The following NALCN variants were observed in gnomAD, a reference collection of about 807,000 sequenced individuals.
NALCN encodes the protein sodium leak channel, non-selective.
NALCN carries 111 observed loss-of-function variants against 225.3 expected under a neutral mutation model. That is an observed-to-expected ratio of 0.49 (90% CI 0.42 to 0.58). The LOEUF is 0.58. NALCN is among the 20% of genes least tolerant of loss of function. The pLI is 0.00. For missense variants in NALCN, 1,378 were observed against 2,202.4 expected (o/e 0.63, Z 7.49); for synonymous variants, 764 against 769.0 (o/e 0.99, Z 0.11).
chr13:101,262,029 C>T (rs1016438924), intron 10 of NALCN, among the ~76,000 whole-genome samples: 1 of 152,134 alleles, frequency 6.6e-6, no homozygotes, highest in Non-Finnish European at 1.5e-5. Flanking sequence ...CTTCTATCCC[C>T]AGTTTTGCTG....
chr13:101,207,728 G>C (rs2040366610), intron 13 of NALCN, among the ~76,000 whole-genome samples: 1 of 152,114 alleles, frequency 6.6e-6, no homozygotes, highest in Admixed American at 6.5e-5. Context: ...CTGTAAAATG[G>C]ACCAATCAGC....
chr13:101,110,266 A>G (rs1194680519), intron 20 of NALCN, among the ~76,000 whole-genome samples: 1 of 152,246 alleles, frequency 6.6e-6, no homozygotes, highest in African/African-American at 2.4e-5. Flanking sequence ...TCTAGATTCT[A>G]GAATATTCGA....
At chr13:101,092,073 T>C (rs2034262862) in intron 28 of NALCN, among the ~76,000 whole-genome samples, 1 of 151,818 alleles carries the variant, frequency 6.6e-6, no homozygotes, top group Admixed American at 6.6e-5. Context: ...ATGCCATCTA[T>C]TATTGTCATT....
At chr13:101,297,184 GTGA>G (rs2043787910) in intron 7 of NALCN, among the ~76,000 whole-genome samples, 1 of 152,150 alleles carries the variant, frequency 6.6e-6, no homozygotes, top group African/African-American at 2.4e-5. Flanking sequence ...TCATAAAATT[GTGA>G]TGATAACTAG....
intron 16 of NALCN, among the ~76,000 whole-genome samples, chr13:101,143,840 C>G (rs576137072): frequency 6.6e-6 from 1 of 152,280 alleles, no homozygotes; most frequent in Admixed American, 6.5e-5. Flanking sequence ...GTTGCTCTCT[C>G]TAAATGTCCA....
At chr13:101,113,004 T>C (rs627191) in intron 18 of NALCN, among the ~76,000 whole-genome samples, 138,048 of 152,248 alleles carry the variant, frequency 0.91, 62,832 homozygotes, top group East Asian at 1. Context: ...CTTAAAAATG[T>C]TTTTAATGTG....
At chr13:101,129,063 T>C (rs372969554) in intron 17 of NALCN, among the ~76,000 whole-genome samples, 1 of 152,346 alleles carries the variant, frequency 6.6e-6, no homozygotes, top group East Asian at 1.9e-4. Flanking sequence ...TTTTGTGATG[T>C]TACGGGTCTT....
intron 42 of NALCN, 22 bp from the exon 43 acceptor site, chr13:101,058,078 C>T (rs1222780497): frequency 2.5e-6 from 4 of 1,597,300 alleles, no homozygotes; most frequent in Non-Finnish European, 1.7e-6. Flanking sequence ...GAGAAGCACA[C>T]AGTTACCGTC....
chr13:101,211,624 T>TG (rs1370373171), intron 13 of NALCN, among the ~76,000 whole-genome samples: 4 of 144,944 alleles, frequency 2.8e-5, no homozygotes, highest in African/African-American at 1.1e-4. Flanking sequence ...ACAGTTTTTT[T>TG]TGGGGGGGGA....
chr13:101,378,638 C>T lies in NALCN; in HGVS notation c.307G>A (p.Val103Met). Residue 103 changes from valine to methionine, a missense_variant, in exon 4 of 44, where the codon GTG becomes ATG. By Grantham distance (21) the Val-to-Met change is conservative (BLOSUM62 1). Coordinates refer to ENST00000251127, the MANE Select transcript of NALCN (RefSeq NM_052867.4). ...RGIVKGDSSY[V>M]KDRWCVFDGF... ...TCAAAAACACACCAGCGATCTTTCA[C>T]ATAGGAACTATCCCCCTAAAAATAA... is the stretch of plus-strand genomic sequence containing the variant. 6.2e-7 allele frequency: 1 copy of T among 1,609,858 alleles called. No individual in the cohort carries two copies. The highest frequency in any genetic ancestry group is 8.5e-7 in the Non-Finnish European group (1 of 1,177,602).
intron 41 of NALCN, among the ~76,000 whole-genome samples, 166 bp from the exon 42 acceptor site, chr13:101,060,133 G>A (rs1490352628): frequency 6.6e-6 from 1 of 151,932 alleles, no homozygotes; most frequent in Non-Finnish European, 1.5e-5. Flanking sequence ...GTTCAATTAA[G>A]GTAGGCTGAT....
At chr13:101,231,588 C>G (rs1435261683) in intron 12 of NALCN, among the ~76,000 whole-genome samples, 2 of 152,070 alleles carry the variant, frequency 1.3e-5, no homozygotes, top group Non-Finnish European at 2.9e-5. Flanking sequence ...TAACAGCTCC[C>G]AAATTCAGAG....
At chr13:101,249,018 A>T (rs758487135) in intron 11 of NALCN, among the ~76,000 whole-genome samples, 1 of 152,078 alleles carries the variant, frequency 6.6e-6, no homozygotes, top group Non-Finnish European at 1.5e-5. Context: ...AGTAAGGGTA[A>T]TCTTGTAGAG....
intron 17 of NALCN, among the ~76,000 whole-genome samples, chr13:101,126,787 G>A (rs535556150): frequency 1.5e-4 from 23 of 152,166 alleles, no homozygotes; most frequent in Middle Eastern, 3.4e-3. Flanking sequence ...CACCACACCC[G>A]GCCAAAAGTT....
At chr13:101,206,573 G>C (rs183056710) in intron 13 of NALCN, among the ~76,000 whole-genome samples, 1 of 140,166 alleles carries the variant, frequency 7.1e-6, no homozygotes, top group African/African-American at 2.5e-5. Context: ...TTAAAAAATA[G>C]TTTTTTTCTC....
intron 35 of NALCN, 24 bp from the exon 36 acceptor site, chr13:101,074,686 G>T: frequency 1.3e-6 from 2 of 1,588,592 alleles, no homozygotes; most frequent in South Asian, 1.2e-5. Context: ...GTGGGAAGCG[G>T]GGAGACAGAG....
At chr13:101,354,446 T>C (rs995744709) in intron 6 of NALCN, among the ~76,000 whole-genome samples, 7 of 152,156 alleles carry the variant, frequency 4.6e-5, no homozygotes, top group African/African-American at 1.7e-4. Flanking sequence ...CAGTCCACTG[T>C]CTTTGACTTT....
At chr13:101,147,401 C>T (rs2037405581) in intron 15 of NALCN, among the ~76,000 whole-genome samples, 1 of 141,176 alleles carries the variant, frequency 7.1e-6, no homozygotes, top group Non-Finnish European at 1.5e-5. Context: ...GTCTCCCAGG[C>T]TGGAGTGCAG....
intron 15 of NALCN, among the ~76,000 whole-genome samples, chr13:101,157,515 A>T (rs1411430626): frequency 6.6e-6 from 1 of 152,206 alleles, no homozygotes; most frequent in Non-Finnish European, 1.5e-5. Context: ...AGTGGAATGT[A>T]AGGGAAGGCC....
Sources: gnomAD v4.1 joint callset for allele counts (sites outside exome capture counted in the v4.1 genomes callset) on GRCh38, gnomAD v4.1.1 for gene constraint, MANE v1.5 for transcripts, NCBI Gene and HGNC (gene_info 2026-07-23, HGNC 2026-07-21) for gene names.